SORCS2: variants seen among roughly 807,000 people sequenced by gnomAD.
SORCS2 encodes the protein VPS10 domain-containing receptor SorCS2.
Under a neutral mutation model 141.6 loss-of-function variants are expected in SORCS2, and 100 were observed. The ratio of observed to expected loss-of-function variants is 0.71; its 90% CI spans 0.60 to 0.83. The LOEUF is 0.83. SORCS2 is among the 40% of genes least tolerant of loss of function. The pLI is 0.00. For missense variants in SORCS2, 1,646 were observed against 1,560.2 expected, an observed-to-expected ratio of 1.05 and a Z score of -0.93; for synonymous variants, 789 against 676.9, an observed-to-expected ratio of 1.17 and a Z score of -2.57.
At chr4:7,528,626 ATGTTGGCCAG>A in intron 2 of SORCS2, among the ~76,000 whole-genome samples, 1 of 152,084 alleles carries the variant, frequency 6.6e-6, no homozygotes, top group Middle Eastern at 3.4e-3. Context: ...AGGTTTCACC[ATGTTGGCCAG>A]TCTGGTCTGA....
chr4:7,228,202 G>A (rs771702511), intron 1 of SORCS2, among the ~76,000 whole-genome samples: 2 of 152,176 alleles, frequency 1.3e-5, no homozygotes, highest in East Asian at 1.9e-4. Flanking sequence ...CGGCATCCTC[G>A]TATGTGCCTG....
chr4:7,325,094 C>G (rs1364718719), intron 1 of SORCS2, among the ~76,000 whole-genome samples: 2 of 152,228 alleles, frequency 1.3e-5, no homozygotes, highest in Non-Finnish European at 2.9e-5. Context: ...ACGCACCAAG[C>G]TCATCTGCAT....
intron 1 of SORCS2, among the ~76,000 whole-genome samples, chr4:7,323,785 C>G (rs1031159798): frequency 2.0e-5 from 3 of 152,056 alleles, no homozygotes; most frequent in Non-Finnish European, 4.4e-5. Flanking sequence ...CCTCCACCCC[C>G]GAGAAATGGG....
At chr4:7,261,335 G>T (rs746614829) in intron 1 of SORCS2, among the ~76,000 whole-genome samples, 1 of 152,208 alleles carries the variant, frequency 6.6e-6, no homozygotes, top group Non-Finnish European at 1.5e-5. Context: ...AGGGCTCTGC[G>T]ACGGCCATAA....
intron 1 of SORCS2, among the ~76,000 whole-genome samples, chr4:7,331,212 G>A (rs773499868): frequency 1.6e-4 from 25 of 152,180 alleles, no homozygotes; most frequent in East Asian, 3.9e-4. Context: ...TTCATTTTCC[G>A]TGGGCTGGAG....
At chr4:7,512,713 CG>C (rs1452016536) in intron 2 of SORCS2, among the ~76,000 whole-genome samples, 2 of 151,912 alleles carry the variant, frequency 1.3e-5, no homozygotes, top group East Asian at 3.9e-4. Context: ...CTCCTGTCCT[CG>C]TGGGAGGAGT....
At chr4:7,657,917 G>A (rs1172242973) in intron 5 of SORCS2, among the ~76,000 whole-genome samples, 1 of 150,978 alleles carries the variant, frequency 6.6e-6, no homozygotes, top group African/African-American at 2.4e-5. Context: ...TGAGTCTATG[G>A]TTGAGTGAGT....
intron 12 of SORCS2, among the ~76,000 whole-genome samples, chr4:7,699,867 A>C (rs1011427124): frequency 1.3e-5 from 2 of 151,766 alleles, no homozygotes; most frequent in African/African-American, 4.8e-5. Flanking sequence ...TTTGCTTGGG[A>C]ATTCATTTTC....
intron 3 of SORCS2, among the ~76,000 whole-genome samples, chr4:7,635,242 G>A (rs1003220632): frequency 6.6e-6 from 1 of 152,170 alleles, no homozygotes; most frequent in Non-Finnish European, 1.5e-5. Flanking sequence ...GTGTGGCTGA[G>A]AACAGGGCTC....
At chr4:7,348,596 G>C (rs1363895262) in intron 1 of SORCS2, among the ~76,000 whole-genome samples, 2 of 152,222 alleles carry the variant, frequency 1.3e-5, no homozygotes, top group African/African-American at 2.4e-5. Context: ...TTGTTGCCCA[G>C]GCTGGAGTGC....
rs913581001 is a variant in SORCS2 at position 7,481,416 on chromosome 4, C to T, written c.549-50114C>T. On this transcript the variant is annotated intron_variant, in intron 2 of 26. Coordinates refer to ENST00000507866, the MANE Select transcript of SORCS2 (RefSeq NM_020777.3). ...GGGTGGTGGGATTCTGCCTGGAGAA[C>T]GGTGGCCTCTAGGCGGAGGTCGGCC... Among the ~76,000 whole-genome samples, 17 of 152,282 alleles carry T rather than the reference C, an allele frequency of 1.1e-4. No homozygotes were observed. In the East Asian group the frequency reaches 2.5e-3, roughly 23 times the overall value.
At chr4:7,701,252 G>A (rs1220598456) in intron 12 of SORCS2, among the ~76,000 whole-genome samples, 1 of 151,286 alleles carries the variant, frequency 6.6e-6, no homozygotes, top group Admixed American at 6.6e-5. Flanking sequence ...AAGGAGAGAG[G>A]AGGGAGGGAA....
chr4:7,580,861 A>G (rs888006497), intron 3 of SORCS2, among the ~76,000 whole-genome samples: 10 of 152,176 alleles, frequency 6.6e-5, no homozygotes, highest in Non-Finnish European at 4.4e-5. Flanking sequence ...TGGAGGAGTA[A>G]AAGTCTGACG....
At chr4:7,604,476 C>T (rs1717935855) in intron 3 of SORCS2, among the ~76,000 whole-genome samples, 1 of 152,222 alleles carries the variant, frequency 6.6e-6, no homozygotes, top group Non-Finnish European at 1.5e-5. Context: ...CGCCACCACG[C>T]ACGGCTCATT....
intron 1 of SORCS2, among the ~76,000 whole-genome samples, chr4:7,212,112 T>TA (rs1728094096): frequency 6.6e-6 from 1 of 152,130 alleles, no homozygotes; most frequent in Non-Finnish European, 1.5e-5. Flanking sequence ...GAGCGGAGTG[T>TA]AGGAGGGCTG....
At chr4:7,465,076 T>C (rs938660874) in intron 2 of SORCS2, among the ~76,000 whole-genome samples, 1 of 152,202 alleles carries the variant, frequency 6.6e-6, no homozygotes, top group African/African-American at 2.4e-5. Context: ...GTTTTTGTGG[T>C]GAAGTGAGGA....
chr4:7,530,144 C>T (rs565422467), intron 2 of SORCS2, among the ~76,000 whole-genome samples: 3 of 152,350 alleles, frequency 2.0e-5, no homozygotes, highest in African/African-American at 7.2e-5. Flanking sequence ...CAAGTAGAAA[C>T]CACCAAAGAT....
intron 3 of SORCS2, among the ~76,000 whole-genome samples, chr4:7,618,603 T>C (rs1718921104): frequency 6.6e-6 from 1 of 152,148 alleles, no homozygotes; most frequent in South Asian, 2.1e-4. Flanking sequence ...AACGCCAAGT[T>C]TGGTGCCTCA....
At chr4:7,477,857 T>A (rs1044552329) in intron 2 of SORCS2, among the ~76,000 whole-genome samples, 1 of 152,174 alleles carries the variant, frequency 6.6e-6, no homozygotes, top group African/African-American at 2.4e-5. Context: ...CACTTTCCCT[T>A]CCAGAGTCCC....
Sources: allele counts gnomAD v4.1 joint callset (sites outside exome capture counted in the v4.1 genomes callset), GRCh38; gene constraint gnomAD v4.1.1; transcripts MANE v1.5; gene names NCBI Gene and HGNC (gene_info 2026-07-23, HGNC 2026-07-21).